Variants in EFCAB8 observed in about 807,000 individuals in gnomAD.
EFCAB8 encodes EF-hand calcium binding domain 8.
In EFCAB8, 100 loss-of-function variants were observed where a neutral mutation model predicts 116.3. The observed-to-expected ratio is 0.86, with a 90% CI of 0.73 to 1.02. The LOEUF is 1.02. EFCAB8 is among the 50% of genes least tolerant of loss of function. The probability of loss-of-function intolerance (pLI) is 0.00; values close to 1 mark genes in which losing one functional copy is unlikely to be tolerated. For missense variants in EFCAB8, 1,320 were observed against 1,416.9 expected (o/e 0.93, Z 1.10); for synonymous variants, 558 against 567.9 (o/e 0.98, Z 0.25).
intron 18 of EFCAB8, among the ~76,000 whole-genome samples, chr20:32,917,767 G>T (rs1046410678): frequency 1.1e-4 from 16 of 152,234 alleles, no homozygotes; most frequent in African/African-American, 3.4e-4. Flanking sequence ...AACCCAGGCA[G>T]TCTGACTTCA....
intron 7 of EFCAB8, among the ~76,000 whole-genome samples, 166 bp from the exon 8 acceptor site, chr20:32,892,047 C>T (rs1367273090): frequency 6.6e-6 from 1 of 151,976 alleles, no homozygotes; most frequent in Non-Finnish European, 1.5e-5. Flanking sequence ...CAGTGGGGTT[C>T]CCGGTGGGTG....
At chr20:32,905,342 C>T (rs1446655627) in intron 11 of EFCAB8, among the ~76,000 whole-genome samples, 1 of 152,116 alleles carries the variant, frequency 6.6e-6, no homozygotes, top group Non-Finnish European at 1.5e-5. Context: ...GAGACAGGGA[C>T]GCCTGTGTAG....
chr20:32,863,379 A>C lies in EFCAB8; in HGVS notation c.-10-404A>C, dbSNP rs117131321. ...GGGTGGGGAGGGTATATGCAGTGGA[A>C]ATGAGGAGCCCTCATTTTTCTAATC... is the stretch of plus-strand genomic sequence containing the variant. On this transcript the variant is annotated intron_variant, in intron 1 of 26. Transcript: ENST00000400522. Among the ~76,000 whole-genome samples, 805 of 152,248 alleles carry C rather than the reference A, an allele frequency of 5.3e-3. 5 individuals carry two copies. Among genetic ancestry groups the C allele is most frequent in the Non-Finnish European group, 8.2e-3 (555 of 68,018 alleles).
chr20:32,864,847 G>A (rs531839907), intron 2 of EFCAB8, among the ~76,000 whole-genome samples: 2 of 152,196 alleles, frequency 1.3e-5, no homozygotes, highest in Non-Finnish European at 2.9e-5. Context: ...CTCACTATGA[G>A]ACAAGGAGTA....
intron 11 of EFCAB8, among the ~76,000 whole-genome samples, chr20:32,904,982 A>G (rs1180067371): frequency 6.6e-6 from 1 of 152,084 alleles, no homozygotes; most frequent in Non-Finnish European, 1.5e-5. Context: ...GATGTTGTGG[A>G]TGAGAGGCAT....
At chr20:32,890,539 C>T (rs1218331079) in intron 7 of EFCAB8, among the ~76,000 whole-genome samples, 1 of 152,160 alleles carries the variant, frequency 6.6e-6, no homozygotes, top group Admixed American at 6.5e-5. Flanking sequence ...TGTCTCAGTG[C>T]CTGGTACCTT....
At chr20:32,944,320 C>A (rs138066480) in intron 23 of EFCAB8, among the ~76,000 whole-genome samples, 1,804 of 152,074 alleles carry the variant, frequency 0.012, 19 homozygotes, top group Middle Eastern at 0.027. Flanking sequence ...CAAAAATTAG[C>A]CAGGCATGGT....
chr20:32,860,449 G>T (rs1238315690), intron 1 of EFCAB8, among the ~76,000 whole-genome samples: 3 of 150,684 alleles, frequency 2.0e-5, no homozygotes, highest in Non-Finnish European at 2.9e-5. Flanking sequence ...CGGATCAGGA[G>T]GTGTGTGATG....
At chr20:32,913,019 TTATTCATTATTCATTGAGGCTAATA>T (rs1987016549) in intron 17 of EFCAB8, among the ~76,000 whole-genome samples, 155 bp downstream of exon 17, 1 of 152,172 alleles carries the variant, frequency 6.6e-6, no homozygotes, top group Non-Finnish European at 1.5e-5. Context: ...ATCCATCCAT[TTATTCATTATTCATTGAGGCTAATA>T]TATTCTTGGC....
chr20:32,887,982 C>T (rs373501957), intron 6 of EFCAB8, among the ~76,000 whole-genome samples: 84 of 152,262 alleles, frequency 5.5e-4, no homozygotes, highest in African/African-American at 1.9e-3. Context: ...TCCCTGAGTT[C>T]CTACTTCCTC....
At chr20:32,863,012 T>G (rs1176989843) in intron 1 of EFCAB8, among the ~76,000 whole-genome samples, 1 of 20,668 alleles carries the variant, frequency 4.8e-5, no homozygotes, top group Non-Finnish European at 1.2e-4. Context: ...TTGCTGCCAA[T>G]TTTTTTTTTT....
intron 3 of EFCAB8, among the ~76,000 whole-genome samples, chr20:32,870,260 C>A (rs760108062): frequency 3.1e-4 from 47 of 152,166 alleles, no homozygotes; most frequent in Non-Finnish European, 6.3e-4. Flanking sequence ...GAAGTGCCAC[C>A]ACTGTGTCTG....
intron 23 of EFCAB8, among the ~76,000 whole-genome samples, chr20:32,952,264 C>CA (rs1352665297): frequency 6.7e-5 from 10 of 150,132 alleles, no homozygotes; most frequent in South Asian, 2.1e-4. Context: ...GACCCTGTCT[C>CA]AAAAAAAGAA....
chr20:32,875,502 G>GT (rs57620114), intron 3 of EFCAB8, among the ~76,000 whole-genome samples: 4,042 of 89,880 alleles, frequency 0.045, 357 homozygotes, highest in African/African-American at 0.12. Flanking sequence ...AAACATGGTG[G>GT]TTTTTTTTTT....
At position 32,960,064 on chromosome 20, in the gene EFCAB8, T is replaced by G. The variant is rs957276775; in HGVS notation, c.3296T>G (p.Val1099Gly). ...CATTCTTGGGCGTGGCTCCTGCAGGTGAGCAAAGTCTTGGGAGCGGCGTAT... is the reference window on the plus strand; with the variant it reads ...CATTCTTGGGCGTGGCTCCTGCAGGGGAGCAAAGTCTTGGGAGCGGCGTAT... ...WNKWESRDKQ[V>G]SKVLGAAYKP... Residue 1099 changes from valine (V) to glycine (G), a missense_variant and splice_region_variant, in exon 26 of 27, where the codon GTG becomes GGG. Coordinates refer to ENST00000400522, the MANE Select transcript of EFCAB8 (RefSeq NM_001143967.2). 2 of 1,551,656 alleles carry G rather than the reference T, an allele frequency of 1.3e-6. No individual in the cohort carries two copies. Among genetic ancestry groups the G allele is most frequent in the Non-Finnish European group, 1.7e-6 (2 of 1,146,980 alleles).
chr20:32,912,857 C>A lies in EFCAB8; in HGVS notation c.1849C>A (p.His617Asn). Reference sequence around the variant, plus strand: ...GACAGGATGGAGTAAGAGAATCACTCATTTCCTGTGAGTAGAAAGCATGTA... The same window carrying A: ...GACAGGATGGAGTAAGAGAATCACTAATTTCCTGTGAGTAGAAAGCATGTA... ...YVTGWSKRITHFLFHKTKPVL... is the reference protein window; with the variant it reads ...YVTGWSKRITNFLFHKTKPVL... The change falls in exon 17 of 27, where the codon CAT becomes AAT. Residue 617 changes from histidine (H) to asparagine (N), a missense_variant. Physicochemically the swap from His to Asn is moderately conservative, Grantham distance 68. Transcript: ENST00000400522. The A allele has an allele frequency of 1.4e-6, 1 of 718,934 alleles. No homozygotes were observed. Among genetic ancestry groups the A allele is most frequent in the Non-Finnish European group, 2.6e-6 (1 of 385,154 alleles). 44.5% of individuals were successfully genotyped at this position (718,934 alleles called of 1,614,324 possible). A position where few individuals can be genotyped will look rare whatever the true frequency, so the allele number is the denominator to read the frequency against.
At chr20:32,928,887 A>G (rs905830347) in intron 20 of EFCAB8, among the ~76,000 whole-genome samples, 2 of 148,076 alleles carry the variant, frequency 1.4e-5, no homozygotes, top group Non-Finnish European at 3.0e-5. Flanking sequence ...ATGTCCTTCT[A>G]TTCCTATTTT....
chr20:32,936,096 A>G (rs1988111004), intron 22 of EFCAB8, among the ~76,000 whole-genome samples: 1 of 151,672 alleles, frequency 6.6e-6, no homozygotes, highest in African/African-American at 2.4e-5. Flanking sequence ...GCAGTGGTGC[A>G]ATCTCAGCTC....
chr20:32,950,595 G>A (rs1358049832), intron 23 of EFCAB8, among the ~76,000 whole-genome samples: 2 of 152,184 alleles, frequency 1.3e-5, no homozygotes, highest in Non-Finnish European at 1.5e-5. Flanking sequence ...TCTCTTTGTT[G>A]TGCTTATCTG....
Sources: allele counts gnomAD v4.1 joint callset (sites outside exome capture counted in the v4.1 genomes callset), GRCh38; gene constraint gnomAD v4.1.1; transcripts MANE v1.5; gene names NCBI Gene and HGNC (gene_info 2026-07-23, HGNC 2026-07-21).